BARX2: variants seen among roughly 807,000 people sequenced by gnomAD.
BARX2 encodes homeobox protein BarH-like 2.
In BARX2, 11 loss-of-function variants were observed where a neutral mutation model predicts 25.5. The observed-to-expected ratio is 0.43, with a 90% CI of 0.27 to 0.71. BARX2 has a LOEUF of 0.71. BARX2 is among the 30% of genes least tolerant of loss of function. BARX2 has a pLI of 0.19. For synonymous variants in BARX2, 137 were observed against 149.5 expected (o/e 0.92, Z 0.61); for missense variants, 360 against 359.9 (o/e 1.00, Z 0.00).
chr11:129,375,749 G>A (rs1861494645), upstream of BARX2, among the ~76,000 whole-genome samples: 1 of 152,020 alleles, frequency 6.6e-6, no homozygotes, highest in Non-Finnish European at 1.5e-5. This position sits in a 1 kb window ranked among gnomAD's most constrained non-coding sequence, Gnocchi z 4.0. Flanking sequence ...GGGTGGGCGC[G>A]GACGCCCCTC....
intron 2 of BARX2, among the ~76,000 whole-genome samples, chr11:129,441,194 C>T (rs2044444613): frequency 6.6e-6 from 1 of 152,116 alleles, no homozygotes; most frequent in African/African-American, 2.4e-5. Context: ...GATGAAGCAT[C>T]CCTGCGATCC....
At position 129,420,553 on chromosome 11, in the gene BARX2, A is replaced by G. The variant is rs538103468; in HGVS notation, c.188-16198A>G. On this transcript the variant is annotated intron_variant, in intron 1 of 3. Coordinates refer to ENST00000281437, the MANE Select transcript of BARX2 (RefSeq NM_003658.5). ...TCTGTTATTTAGTGTGTTATTAGCTATAAATCACCTAATCTCAAAGTCTTA... is the reference window on the plus strand; with the variant it reads ...TCTGTTATTTAGTGTGTTATTAGCTGTAAATCACCTAATCTCAAAGTCTTA... Among the ~76,000 whole-genome samples, 10 of 152,360 alleles carry G rather than the reference A, an allele frequency of 6.6e-5. No homozygotes were observed. The South Asian group carries it at 1.9e-3, about 28-fold the overall frequency.
At chr11:129,429,397 T>C (rs541268343) in intron 1 of BARX2, among the ~76,000 whole-genome samples, 1 of 152,102 alleles carries the variant, frequency 6.6e-6, no homozygotes, top group South Asian at 2.1e-4. Flanking sequence ...TGGTAGCATG[T>C]GCCTGTAGTC....
intron 1 of BARX2, among the ~76,000 whole-genome samples, chr11:129,428,299 C>T (rs1333172842): frequency 6.6e-6 from 1 of 152,162 alleles, no homozygotes; most frequent in Non-Finnish European, 1.5e-5. Flanking sequence ...CCCCAGTCAA[C>T]GTTTTCACAT....
At chr11:129,419,212 A>T (rs1163876230) in intron 1 of BARX2, among the ~76,000 whole-genome samples, 1 of 152,174 alleles carries the variant, frequency 6.6e-6, no homozygotes, top group Non-Finnish European at 1.5e-5. Context: ...CTGGGTAAAT[A>T]CTTACCCTAC....
intron 1 of BARX2, among the ~76,000 whole-genome samples, chr11:129,423,836 CCT>C (rs932882990): frequency 6.6e-6 from 1 of 151,818 alleles, no homozygotes. Context: ...AGTCCTTCAT[CCT>C]CTGTTTCTTT....
At chr11:129,387,141 C>G (rs1316318125) in intron 1 of BARX2, among the ~76,000 whole-genome samples, 1 of 152,214 alleles carries the variant, frequency 6.6e-6, no homozygotes, top group Non-Finnish European at 1.5e-5. Flanking sequence ...ATCAGTTAAA[C>G]AGACTGACAC....
At chr11:129,416,844 T>A (rs1432334988) in intron 1 of BARX2, among the ~76,000 whole-genome samples, 2 of 151,642 alleles carry the variant, frequency 1.3e-5, no homozygotes, top group Admixed American at 1.3e-4. Flanking sequence ...GCTTTTGGAG[T>A]ATCGTAGGAG....
In BARX2 at chr11:129,436,606, C is replaced by G. The variant is rs1353149063; in HGVS notation, c.188-145C>G. 2 of 881,112 alleles carry G rather than the reference C, an allele frequency of 2.3e-6. No individual in the cohort carries two copies. Among genetic ancestry groups the G allele is most frequent in the African/African-American group, 1.7e-5 (1 of 60,204 alleles). 54.6% of individuals were successfully genotyped at this position (881,112 alleles called of 1,614,324 possible). On this transcript the variant is annotated intron_variant, in intron 1 of 3. Transcript: ENST00000281437. The surrounding 1 kb of genome is among the most constrained non-coding windows in gnomAD (Gnocchi z 4.5). The stretch of plus-strand genomic sequence containing the variant: ...CCTGCAGCTGTAGGTCTTGAGTTAC[C>G]TCTCCTTCCCCTTCCTCCATCTGTA...
At chr11:129,409,929 A>C (rs1861869554) in intron 1 of BARX2, among the ~76,000 whole-genome samples, 1 of 151,958 alleles carries the variant, frequency 6.6e-6, no homozygotes, top group Admixed American at 6.6e-5. Context: ...TGATCCACTA[A>C]TTTTCTTATC....
chr11:129,408,762 A>G (rs895277622), intron 1 of BARX2, among the ~76,000 whole-genome samples: 11 of 152,152 alleles, frequency 7.2e-5, no homozygotes, highest in African/African-American at 2.4e-4. Flanking sequence ...ACCCCAAGTC[A>G]TGATTAAATA....
chr11:129,382,335 T>C (rs914830103), intron 1 of BARX2, among the ~76,000 whole-genome samples: 2 of 152,068 alleles, frequency 1.3e-5, no homozygotes, highest in African/African-American at 4.8e-5. Context: ...TGTGCCACCA[T>C]GCCTGGCTAA....
chr11:129,388,573 C>T (rs927048041), intron 1 of BARX2, among the ~76,000 whole-genome samples: 4 of 152,114 alleles, frequency 2.6e-5, no homozygotes, highest in South Asian at 4.1e-4. Flanking sequence ...GTTAACACTT[C>T]GGATATTTTT....
chr11:129,420,507 A>T (rs1180245034), intron 1 of BARX2, among the ~76,000 whole-genome samples: 1 of 152,230 alleles, frequency 6.6e-6, no homozygotes, highest in Admixed American at 6.5e-5. Flanking sequence ...CAAAGACTGG[A>T]TTAGAAAAAA....
At chr11:129,391,186 G>T (rs1298588233) in intron 1 of BARX2, among the ~76,000 whole-genome samples, 1 of 152,136 alleles carries the variant, frequency 6.6e-6, no homozygotes. Context: ...GCTAAATCTG[G>T]CCCACTACGA....
At chr11:129,433,110 C>A (rs1330071261) in intron 1 of BARX2, among the ~76,000 whole-genome samples, 2 of 152,172 alleles carry the variant, frequency 1.3e-5, no homozygotes, top group South Asian at 4.1e-4. Context: ...TAGCAACTTA[C>A]CTAACACAGA....
intron 1 of BARX2, among the ~76,000 whole-genome samples, chr11:129,430,954 C>T (rs564843619): frequency 5.3e-5 from 8 of 152,210 alleles, no homozygotes; most frequent in African/African-American, 9.6e-5. Context: ...CTTCACTTCC[C>T]GGGTTCCAGC....
chr11:129,436,892 C>T lies in BARX2; in HGVS notation c.329C>T (p.Ala110Val). ...HQVTEAVSAE[A>V]PGGEALASSE... ...GTCACCGAGGCGGTCTCTGCTGAGG[C>T]CCCAGGGGGCGAGGCCCTAGCCAGC... The change falls in exon 2 of 4, where the codon GCC becomes GTC. Residue 110 changes from alanine (A) to valine (V), a missense_variant. Physicochemically the swap from Ala to Val is moderately conservative, Grantham distance 64. This residue lies in a region of BARX2 where 240 missense variants were observed against 228.7 expected (regional missense o/e 1.05). Transcript: ENST00000281437. The surrounding 1 kb of genome is among the most constrained non-coding windows in gnomAD (Gnocchi z 4.5). 2 of 1,614,006 alleles carry T rather than the reference C, an allele frequency of 1.2e-6. No homozygotes were observed. The highest frequency in any genetic ancestry group is 1.6e-4 in the Middle Eastern group (1 of 6,062).
chr11:129,384,914 T>C (rs2135384755), intron 1 of BARX2, among the ~76,000 whole-genome samples: 1 of 152,290 alleles, frequency 6.6e-6, no homozygotes, highest in South Asian at 2.1e-4. Context: ...CCTTTGGTAA[T>C]GGTGGAATCC....
Sources: gnomAD v4.1 joint callset for allele counts (sites outside exome capture counted in the v4.1 genomes callset) on GRCh38, gnomAD v4.1.1 for gene constraint, gnomAD v4.1.1 regional missense constraint, Gnocchi (gnomAD v3.1) non-coding constraint, MANE v1.5 for transcripts, NCBI Gene and HGNC (gene_info 2026-07-23, HGNC 2026-07-21) for gene names.